The following CDH13 variants were observed in gnomAD, a reference collection of about 807,000 sequenced individuals.
CDH13 encodes cadherin-13.
CDH13 carries 24 observed loss-of-function variants against 63.8 expected under a neutral mutation model. The ratio of observed to expected loss-of-function variants is 0.38; its 90% confidence interval spans 0.27 to 0.53. The LOEUF (loss-of-function observed/expected upper bound fraction) is 0.53. Ranked by LOEUF, CDH13 falls within the 20% of genes least tolerant of loss-of-function variation. The pLI, the probability that CDH13 is intolerant of heterozygous loss-of-function variation, is 0.85. For missense variants in CDH13, 1,049 were observed against 903.1 expected, an observed-to-expected ratio of 1.16 and a Z score of -2.07; for synonymous variants, 503 against 355.3, an observed-to-expected ratio of 1.42 and a Z score of -4.67.
chr16:83,031,619 A>G (rs934160128), intron 2 of CDH13, among the ~76,000 whole-genome samples: 2 of 151,750 alleles, frequency 1.3e-5, no homozygotes, highest in Non-Finnish European at 2.9e-5. Context: ...CCCAGCTCAA[A>G]TATTGACTCT....
intron 2 of CDH13, among the ~76,000 whole-genome samples, chr16:82,880,028 AATC>A (rs1180302840): frequency 1.3e-5 from 2 of 148,398 alleles, no homozygotes; most frequent in African/African-American, 2.5e-5. Flanking sequence ...GATCATATAT[AATC>A]ATATAATGGA....
At chr16:83,653,165 G>GTGGC (rs1380592952) in intron 8 of CDH13, among the ~76,000 whole-genome samples, 1 of 152,180 alleles carries the variant, frequency 6.6e-6, no homozygotes, top group Non-Finnish European at 1.5e-5. Flanking sequence ...AGAATGGGGA[G>GTGGC]TGGCTGCTCC....
intron 1 of CDH13, among the ~76,000 whole-genome samples, chr16:82,701,854 C>G (rs1053436988): frequency 3.9e-5 from 6 of 152,156 alleles, no homozygotes; most frequent in Admixed American, 6.5e-5. Context: ...AGGACTTAGT[C>G]ACCTCCCCTC....
chr16:82,690,675 C>G (rs1198394631), intron 1 of CDH13, among the ~76,000 whole-genome samples: 1 of 152,224 alleles, frequency 6.6e-6, no homozygotes, highest in African/African-American at 2.4e-5. Flanking sequence ...AGCAGAACTA[C>G]TGTGCTCTGG....
At chr16:82,798,017 A>G (rs2036674282) in intron 1 of CDH13, among the ~76,000 whole-genome samples, 1 of 152,200 alleles carries the variant, frequency 6.6e-6, no homozygotes, top group South Asian at 2.1e-4. Context: ...GCCATCACAA[A>G]GTAAAGAGAC....
intron 2 of CDH13, among the ~76,000 whole-genome samples, chr16:82,896,273 A>T (rs2041252863): frequency 3.7e-5 from 3 of 80,524 alleles, no homozygotes; most frequent in Middle Eastern, 0.012. Context: ...AACTAGGATT[A>T]GGATTTTTTT....
At chr16:82,900,350 G>A (rs2041420615) in intron 2 of CDH13, among the ~76,000 whole-genome samples, 1 of 152,164 alleles carries the variant, frequency 6.6e-6, no homozygotes, top group African/African-American at 2.4e-5. Flanking sequence ...GTTTTACTTG[G>A]TTATTAATGA....
At chr16:82,805,168 C>T (rs2037081170) in intron 1 of CDH13, among the ~76,000 whole-genome samples, 1 of 152,142 alleles carries the variant, frequency 6.6e-6, no homozygotes, top group African/African-American at 2.4e-5. Context: ...CCCCCAGGTC[C>T]ATGTGTCCTT....
intron 1 of CDH13, among the ~76,000 whole-genome samples, chr16:82,792,208 T>A (rs2036345003): frequency 6.6e-6 from 1 of 152,198 alleles, no homozygotes; most frequent in East Asian, 1.9e-4. Context: ...ACCACCTTGC[T>A]GTCCTGGCAT....
intron 6 of CDH13, among the ~76,000 whole-genome samples, chr16:83,411,298 C>G (rs528588924): frequency 1.8e-4 from 27 of 152,316 alleles, no homozygotes; most frequent in African/African-American, 5.8e-4. Context: ...CTGAAATTAG[C>G]ATCCCCCTTT....
intron 1 of CDH13, among the ~76,000 whole-genome samples, chr16:82,669,476 C>T (rs1031979526): frequency 2.1e-4 from 32 of 152,166 alleles, no homozygotes; most frequent in South Asian, 8.3e-4. Flanking sequence ...CATTCTAGTA[C>T]GGACTTAATT....
chr16:83,579,609 G>T (rs757708312), intron 7 of CDH13, among the ~76,000 whole-genome samples: 2 of 151,904 alleles, frequency 1.3e-5, no homozygotes, highest in Admixed American at 6.6e-5. Context: ...CCCACATTGG[G>T]GATTACAATT....
intron 2 of CDH13, among the ~76,000 whole-genome samples, chr16:82,975,698 G>T (rs1909404675): frequency 6.6e-6 from 1 of 152,104 alleles, no homozygotes; most frequent in South Asian, 2.1e-4. Flanking sequence ...TAATCTGCAG[G>T]ATCCATTGCT....
chr16:83,609,080 A>G (rs1176311813), intron 8 of CDH13, among the ~76,000 whole-genome samples: 1 of 152,092 alleles, frequency 6.6e-6, no homozygotes, highest in Non-Finnish European at 1.5e-5. Context: ...ACTTGTGCAC[A>G]TTTTGAGGAA....
Position 82,873,034 on chromosome 16 carries a change from G to A in CDH13, c.157+14561G>A, listed in dbSNP as rs144284383. ...GGTTAAGTATCATGAAGGAAATAAG[G>A]CAAGGTCATATGATAGAGATTTCTG... On this transcript the variant is annotated intron_variant, in intron 2 of 13. Transcript: ENST00000567109. Among the ~76,000 whole-genome samples, 98 of 152,280 alleles carry A rather than the reference G, an allele frequency of 6.4e-4. No individual in the cohort carries two copies. In the Middle Eastern group the frequency reaches 0.01, roughly 16 times the overall value.
chr16:83,250,054 C>G (rs1905342170), intron 5 of CDH13, among the ~76,000 whole-genome samples: 1 of 152,128 alleles, frequency 6.6e-6, no homozygotes, highest in Admixed American at 6.5e-5. Flanking sequence ...ATGAGTTATC[C>G]AAGACCTTTA....
chr16:82,880,826 T>G (rs1289411740), intron 2 of CDH13, among the ~76,000 whole-genome samples: 1 of 152,166 alleles, frequency 6.6e-6, no homozygotes, highest in Non-Finnish European at 1.5e-5. Flanking sequence ...TTAAGAAAAT[T>G]TAGATACAAC....
intron 3 of CDH13, among the ~76,000 whole-genome samples, chr16:83,034,552 C>T (rs546810853): frequency 6.6e-6 from 1 of 152,246 alleles, no homozygotes; most frequent in South Asian, 2.1e-4. Flanking sequence ...TCTAAAGCAA[C>T]AAAGTTGCCA....
intron 7 of CDH13, among the ~76,000 whole-genome samples, chr16:83,499,027 T>C (rs79001536): frequency 6.6e-6 from 1 of 152,232 alleles, no homozygotes; most frequent in Non-Finnish European, 1.5e-5. Flanking sequence ...GTACCCCTAG[T>C]GTTTTTTGAT....
Sources: gnomAD v4.1 joint callset for allele counts (sites outside exome capture counted in the v4.1 genomes callset) on GRCh38, gnomAD v4.1.1 for gene constraint, MANE v1.5 for transcripts, NCBI Gene and HGNC (gene_info 2026-07-23, HGNC 2026-07-21) for gene names.